CCKBR: variants seen among roughly 807,000 people sequenced by gnomAD.
CCKBR encodes cholecystokinin B receptor.
Under a neutral mutation model 34.6 loss-of-function variants are expected in CCKBR, and 33 were observed. The observed-to-expected ratio is 0.95, with a 90% CI of 0.72 to 1.27. The LOEUF is 1.27. CCKBR is among the 50% of genes most tolerant of loss of function. The pLI is 0.00. For missense variants in CCKBR, 652 were observed against 617.4 expected (o/e 1.06, Z -0.59); for synonymous variants, 269 against 267.5 (o/e 1.01, Z -0.06).
chr11:6,262,840 C>G (rs1178047672), intron 1 of CCKBR, among the ~76,000 whole-genome samples: 1 of 152,040 alleles, frequency 6.6e-6, no homozygotes, highest in African/African-American at 2.4e-5. Context: ...AAAACAAGAG[C>G]TTTTTAAAAT....
intron 1 of CCKBR, among the ~76,000 whole-genome samples, chr11:6,261,215 C>T (rs550174653): frequency 1.3e-5 from 2 of 151,948 alleles, no homozygotes; most frequent in Admixed American, 6.6e-5. Flanking sequence ...AAAACCGACA[C>T]AATTCCTACT....
chr11:6,269,843 C>CCTTCA lies in CCKBR; in HGVS notation c.328_332dup (p.Leu112SerfsTer29). ...CTCCTGCTGGCTGTGGCTTGCATGC[C>CCTTCA]CTTCACCCTCCTGCCCAATCTCATG... On this transcript the variant is annotated frameshift_variant, in exon 2 of 5. Transcript: ENST00000334619. LOFTEE classifies it high-confidence loss of function. 1 of 1,614,100 alleles carries CCTTCA rather than the reference C, an allele frequency of 6.2e-7. No homozygotes were observed. The highest frequency in any genetic ancestry group is 8.5e-7 in the Non-Finnish European group (1 of 1,179,998).
intron 1 of CCKBR, 114 bp from the exon 2 acceptor site, chr11:6,269,555 T>C: frequency 2.5e-6 from 3 of 1,208,158 alleles, no homozygotes; most frequent in African/African-American, 3.0e-5. Flanking sequence ...AGTTCATCGG[T>C]GGGGAATGTA....
At chr11:6,262,768 AG>A (rs1466149110) in intron 1 of CCKBR, among the ~76,000 whole-genome samples, 21 of 151,660 alleles carry the variant, frequency 1.4e-4, no homozygotes. Flanking sequence ...AGATTGAGGA[AG>A]GGGGGAGTGG....
intron 1 of CCKBR, chr11:6,264,455 C>T (rs775411962): frequency 1.5e-6 from 1 of 649,104 alleles, no homozygotes; most frequent in Non-Finnish European, 2.8e-6. Context: ...TGCACTCATA[C>T]TTCTCTGCCA....
At chr11:6,261,073 G>T (rs1420517099) in intron 1 of CCKBR, among the ~76,000 whole-genome samples, 3 of 152,144 alleles carry the variant, frequency 2.0e-5, no homozygotes, top group Non-Finnish European at 2.9e-5. Context: ...TGTAATCCAA[G>T]TATTTATTTA....
rs774373253 is a variant in CCKBR at position 6,271,479 on chromosome 11, C to G, written c.1280C>G (p.Thr427Ser). The G allele has an allele frequency of 1.9e-6, 3 of 1,612,562 alleles. No individual in the cohort carries two copies. The highest frequency in any genetic ancestry group is 1.7e-5 in the Admixed American group (1 of 60,010). Residue 427 changes from threonine to serine, a missense_variant, in exon 5 of 5, where the codon ACT becomes AGT. Thr to Ser is a moderately conservative substitution (Grantham distance 58, BLOSUM62 1). Coordinates refer to ENST00000334619, the MANE Select transcript of CCKBR (RefSeq NM_176875.4). ...PRALPDEDPPTPSIASLSRLS... is the reference protein window; with the variant it reads ...PRALPDEDPPSPSIASLSRLS... ...GCTCTTCCCGATGAGGACCCTCCCACTCCCTCCATTGCTTCGCTGTCCAGG... is the reference window on the plus strand; with the variant it reads ...GCTCTTCCCGATGAGGACCCTCCCAGTCCCTCCATTGCTTCGCTGTCCAGG...
chr11:6,271,555 G>A lies in CCKBR; in HGVS notation c.*12G>A, dbSNP rs774283301. ...TGGGCCCTGGCTGAGGAGTAGAGGG[G>A]CCGTGGGGGTTGAGGCAGGGCAAAT... On this transcript the variant is annotated 3_prime_UTR_variant, in exon 5 of 5. Coordinates refer to ENST00000334619, the MANE Select transcript of CCKBR (RefSeq NM_176875.4). 16 of 1,569,944 alleles carry A rather than the reference G, an allele frequency of 1.0e-5. No individual in the cohort carries two copies. The highest frequency in any genetic ancestry group is 1.3e-5 in the Non-Finnish European group (15 of 1,159,596).
rs371722459 is a variant in CCKBR, at chr11:6,271,606, AC to A, written c.*64del. 379 of 1,437,114 alleles carry A rather than the reference AC, an allele frequency of 2.6e-4. No individual in the cohort carries two copies. Among genetic ancestry groups the A allele is most frequent in the Middle Eastern group, 7.3e-4 (4 of 5,510 alleles). 89.0% of individuals were successfully genotyped at this position (1,437,114 alleles called of 1,614,324 possible). On this transcript the variant is annotated 3_prime_UTR_variant, in exon 5 of 5. Transcript: ENST00000334619. Reference sequence around the variant, plus strand: ...GACATGCACTGACCCTTCCAGACATACGAAACACAAACCACAACTGACACAG... The same window carrying A: ...GACATGCACTGACCCTTCCAGACATAGAAACACAAACCACAACTGACACAG...
chr11:6,264,523 C>G (rs1347367671), intron 1 of CCKBR: 3 of 700,160 alleles, frequency 4.3e-6, no homozygotes, highest in Non-Finnish European at 7.8e-6. Context: ...CTGAACTGTC[C>G]CAATCTTCTG....
Position 6,269,744 on chromosome 11 carries a change from T to C in CCKBR, c.227T>C (p.Ile76Thr), listed in dbSNP as rs1212577504. Residue 76 changes from isoleucine (I) to threonine (T), a missense_variant, in exon 2 of 5, where the codon ATC (isoleucine) becomes ACC (threonine). By Grantham distance (89) the Ile-to-Thr change is moderately conservative. Transcript: ENST00000334619. ...AGCGTTGGAGGAAATATGCTCATCA[T>C]CGTGGTCCTGGGACTGAGCCGCCGC... Reference protein sequence around the residue: ...LMSVGGNMLIIVVLGLSRRLR... With the variant: ...LMSVGGNMLITVVLGLSRRLR... 4 of 1,614,066 alleles carry C rather than the reference T, an allele frequency of 2.5e-6. No individual in the cohort carries two copies. In the African/African-American group the frequency reaches 4.0e-5, roughly 16 times the overall value.
chr11:6,269,682 C>A lies in CCKBR; in HGVS notation c.165C>A (p.Ala55=), dbSNP rs1386293997. 2 of 1,613,524 alleles carry A rather than the reference C, an allele frequency of 1.2e-6. No homozygotes were observed. Among genetic ancestry groups the A allele is most frequent in the Non-Finnish European group, 1.7e-6 (2 of 1,179,994 alleles). Residue 55 remains alanine (A), a synonymous_variant, in exon 2 of 5, where the codon GCC becomes GCA. Transcript: ENST00000334619. ...TTTCTTACCCAGAATTGGAGCTGGCCATTAGAATCACTCTTTACGCAGTGA... is the reference window on the plus strand; with the variant it reads ...TTTCTTACCCAGAATTGGAGCTGGCAATTAGAATCACTCTTTACGCAGTGA... ...RGAGTRELEL[A]IRITLYAVIF...
chr11:6,264,342 G>A lies in CCKBR; in HGVS notation c.151+4263G>A, dbSNP rs897163746. 4 of 570,176 alleles carry A rather than the reference G, an allele frequency of 7.0e-6. No homozygotes were observed. The South Asian group carries it at 9.0e-5, about 13-fold the overall frequency. 35.3% of individuals were successfully genotyped at this position (570,176 alleles called of 1,614,324 possible). On this transcript the variant is annotated intron_variant, in intron 1 of 4. Transcript: ENST00000334619. ...GTGCATGGGTGAACAGATCAAACCT[G>A]CCAGTAGAATGCAGAATTTAAGGCA... is the stretch of plus-strand genomic sequence containing the variant.
intron 4 of CCKBR, 89 bp from the exon 5 acceptor site, chr11:6,270,922 G>C (rs1390189658): frequency 6.2e-7 from 1 of 1,612,060 alleles, no homozygotes; most frequent in Non-Finnish European, 8.5e-7. Context: ...TGGAAATGGA[G>C]TTGAGCTGGG....
At chr11:6,262,948 C>T (rs940625226) in intron 1 of CCKBR, among the ~76,000 whole-genome samples, 1 of 152,180 alleles carries the variant, frequency 6.6e-6, no homozygotes, top group Non-Finnish European at 1.5e-5. Flanking sequence ...GGATGTGACG[C>T]AATTCAGAGC....
In CCKBR at chr11:6,269,602, G is replaced by A. The variant is rs570183992; in HGVS notation, c.152-67G>A. Reference sequence around the variant, plus strand: ...GGGTAGTGAGGGTTGGGGATAAGACGGAAGGAGGGGGATTTGACTGAATGA... The same window carrying A: ...GGGTAGTGAGGGTTGGGGATAAGACAGAAGGAGGGGGATTTGACTGAATGA... On this transcript the variant is annotated intron_variant, in intron 1 of 4. Coordinates refer to ENST00000334619, the MANE Select transcript of CCKBR (RefSeq NM_176875.4). 93 of 1,568,394 alleles carry A rather than the reference G, an allele frequency of 5.9e-5. 2 individuals are homozygous for A. The highest frequency in any genetic ancestry group is 3.6e-4 in the East Asian group (16 of 44,626).
In CCKBR at chr11:6,271,607, C is replaced by T; in HGVS notation, c.*64C>T. 6.9e-7 allele frequency: 1 copy of T among 1,450,696 alleles called. No individual in the cohort carries two copies. The highest frequency in any genetic ancestry group is 1.4e-5 in the South Asian group (1 of 73,590). The allele number at this position is 1,450,696 out of a possible 1,614,324, so 89.9% of individuals were successfully genotyped here. A position where few individuals can be genotyped will look rare whatever the true frequency, so the allele number is the denominator to read the frequency against. ...ACATGCACTGACCCTTCCAGACATA[C>T]GAAACACAAACCACAACTGACACAG... On this transcript the variant is annotated 3_prime_UTR_variant, in exon 5 of 5. Coordinates refer to ENST00000334619, the MANE Select transcript of CCKBR (RefSeq NM_176875.4).
intron 1 of CCKBR, among the ~76,000 whole-genome samples, chr11:6,263,477 T>C (rs1848165755): frequency 6.7e-6 from 1 of 148,928 alleles, no homozygotes; most frequent in African/African-American, 2.5e-5. Flanking sequence ...ATCTTTTTTT[T>C]TTTTTTTTTT....
chr11:6,270,450 T>C (rs1009600656), intron 3 of CCKBR, 113 bp downstream of exon 3: 24 of 1,439,312 alleles, frequency 1.7e-5, no homozygotes, highest in Non-Finnish European at 2.0e-5. Flanking sequence ...CGCCAACTCC[T>C]ATTCTGCATC....
Sources: gnomAD v4.1 joint callset for allele counts (sites outside exome capture counted in the v4.1 genomes callset) on GRCh38, gnomAD v4.1.1 for gene constraint, MANE v1.5 for transcripts, NCBI Gene and HGNC (gene_info 2026-07-23, HGNC 2026-07-21) for gene names.